The following SNU13 variants were observed in gnomAD, a reference collection of about 807,000 sequenced individuals.
SNU13 encodes small nuclear ribonucleoprotein 13, also known as NHP2-like protein 1.
Under a neutral mutation model 12.4 loss-of-function variants are expected in SNU13, and 2 were observed. The ratio of observed to expected loss-of-function variants is 0.16; its 90% CI spans 0.07 to 0.51. The LOEUF (loss-of-function observed/expected upper bound fraction) is 0.51. Ranked by LOEUF, SNU13 falls within the 20% of genes least tolerant of loss-of-function variation. The pLI is 0.96. For missense variants in SNU13, 66 were observed against 157.8 expected (o/e 0.42, Z 3.12); for synonymous variants, 68 against 66.5 (o/e 1.02, Z -0.11).
At chr22:41,678,201 T>G (rs2068231375) in intron 2 of SNU13, among the ~76,000 whole-genome samples, 1 of 151,950 alleles carries the variant, frequency 6.6e-6, no homozygotes, top group Non-Finnish European at 1.5e-5. Flanking sequence ...GGTCTCGATC[T>G]CCTGACCTCA....
chr22:41,686,998 C>T (rs868865247), intron 1 of SNU13, among the ~76,000 whole-genome samples: 20 of 151,970 alleles, frequency 1.3e-4, no homozygotes, highest in Admixed American at 2.6e-4. Context: ...AACTGTCACA[C>T]GGGCTGGAGT....
At chr22:41,689,656 G>A (rs1011580280), upstream of SNU13, among the ~76,000 whole-genome samples, 3 of 144,464 alleles carry the variant, frequency 2.1e-5, no homozygotes, top group African/African-American at 5.2e-5. Flanking sequence ...CTGGGCAACA[G>A]AGTGAGACTC....
intron 1 of SNU13, among the ~76,000 whole-genome samples, chr22:41,684,718 G>A (rs781225529): frequency 4.6e-5 from 7 of 152,178 alleles, no homozygotes; most frequent in Non-Finnish European, 7.3e-5. Context: ...TGTTTGAAGA[G>A]TGTATTCTGA....
At chr22:41,684,026 C>T (rs1388654861) in intron 1 of SNU13, among the ~76,000 whole-genome samples, 2 of 152,120 alleles carry the variant, frequency 1.3e-5, no homozygotes, top group Non-Finnish European at 2.9e-5. Context: ...CCTCAGCCCC[C>T]ACCAGTAGCT....
chr22:41,686,061 C>T (rs1216585164), intron 1 of SNU13, among the ~76,000 whole-genome samples: 1 of 152,038 alleles, frequency 6.6e-6, no homozygotes, highest in Non-Finnish European at 1.5e-5. Context: ...TCTCTCGCCT[C>T]AGCCTCCCAA....
At chr22:41,685,463 C>G (rs1270498610) in intron 1 of SNU13, among the ~76,000 whole-genome samples, 1 of 151,974 alleles carries the variant, frequency 6.6e-6, no homozygotes, top group Non-Finnish European at 1.5e-5. Flanking sequence ...AAGCAATTCT[C>G]CTGCCTCAGC....
intron 2 of SNU13, 122 bp from the exon 3 acceptor site, chr22:41,675,317 T>C: frequency 7.9e-7 from 1 of 1,263,988 alleles, no homozygotes; most frequent in Non-Finnish European, 1.1e-6. Context: ...TGGGATATGA[T>C]AAAGGATTCA....
At chr22:41,688,928 T>C (rs1301847730), upstream of SNU13, 30 of 1,433,932 alleles carry the variant, frequency 2.1e-5, no homozygotes, top group Non-Finnish European at 2.7e-5. Flanking sequence ...AAGGTGACGC[T>C]ACGCGAGCGA....
chr22:41,685,940 G>A (rs1412026635), intron 1 of SNU13, among the ~76,000 whole-genome samples: 1 of 148,526 alleles, frequency 6.7e-6, no homozygotes, highest in African/African-American at 2.5e-5. Flanking sequence ...TGCACACCCA[G>A]CCTGGGTGAC....
intron 1 of SNU13, among the ~76,000 whole-genome samples, chr22:41,683,088 C>T (rs907345426): frequency 1.3e-5 from 2 of 152,154 alleles, no homozygotes; most frequent in African/African-American, 2.4e-5. Flanking sequence ...CAACCTCCTC[C>T]GGGGTTCAAG....
chr22:41,678,019 A>C (rs1276895469), intron 2 of SNU13, among the ~76,000 whole-genome samples: 1 of 148,334 alleles, frequency 6.7e-6, no homozygotes, highest in Non-Finnish European at 1.5e-5. Context: ...TCTGTCGCCC[A>C]GGCTAGAGTG....
At chr22:41,690,338 T>G, upstream of SNU13, 1 of 708,448 alleles carries the variant, frequency 1.4e-6, no homozygotes, top group Admixed American at 2.0e-5. Context: ...CATCACACAT[T>G]CAGGGAACTT....
At chr22:41,688,941 G>A (rs1419927671), upstream of SNU13, 10 of 1,410,574 alleles carry the variant, frequency 7.1e-6, no homozygotes, top group African/African-American at 1.4e-5. Flanking sequence ...GCGAGCGAGT[G>A]GGCCCCGCCC....
rs527831866 is a variant in SNU13, at chr22:41,674,336, G to A, written c.*597C>T. ...CTGCCCTGCTACCCTCAAGGGCATG[G>A]TTGTGGGTAGGGGGAGAACATCAAC... On this transcript the variant is annotated 3_prime_UTR_variant, in exon 3 of 3. Transcript: ENST00000401959. 7.8e-5 allele frequency: 12 copies of A among 154,116 alleles called. No homozygotes were observed. The highest frequency in any genetic ancestry group is 2.6e-4 in the African/African-American group (11 of 41,568). The allele number at this position is 154,116 out of a possible 1,614,324, so 9.5% of individuals were successfully genotyped here.
chr22:41,674,655 C>G lies in SNU13; in HGVS notation c.*278G>C, dbSNP rs2068195037. ...TCAGCTTTCTCCTGGCTCTTTCTGC[C>G]TTTCAACGGTGCCACCACCCTGCTT... On this transcript the variant is annotated 3_prime_UTR_variant, in exon 3 of 3. Transcript: ENST00000401959. 2 of 392,554 alleles carry G rather than the reference C, an allele frequency of 5.1e-6. No homozygotes were observed. Among genetic ancestry groups the G allele is most frequent in the African/African-American group, 4.1e-5 (2 of 49,120 alleles). The allele number at this position is 392,554 out of a possible 1,614,324, so 24.3% of individuals were successfully genotyped here.
chr22:41,683,730 G>A (rs5758411), intron 1 of SNU13, among the ~76,000 whole-genome samples: 96,481 of 151,876 alleles, frequency 0.64, 33,825 homozygotes, highest in East Asian at 0.92. Context: ...CCTATATAGG[G>A]TTTAACAACT....
At chr22:41,682,017 T>C (rs952803315) in intron 1 of SNU13, among the ~76,000 whole-genome samples, 4 of 151,994 alleles carry the variant, frequency 2.6e-5, no homozygotes, top group Non-Finnish European at 5.9e-5. Flanking sequence ...TACAAACACA[T>C]ATTTATATAC....
intron 1 of SNU13, among the ~76,000 whole-genome samples, chr22:41,682,998 A>G (rs1362545975): frequency 6.6e-6 from 1 of 151,268 alleles, no homozygotes; most frequent in Non-Finnish European, 1.5e-5. Context: ...CATGTTACCT[A>G]CTTAAACATT....
intron 1 of SNU13, among the ~76,000 whole-genome samples, chr22:41,686,730 G>A (rs2068313562): frequency 6.7e-6 from 1 of 148,740 alleles, no homozygotes; most frequent in South Asian, 2.1e-4. Context: ...CGGTTATAGT[G>A]ATTCTCCTGC....
Sources: allele counts gnomAD v4.1 joint callset (sites outside exome capture counted in the v4.1 genomes callset), GRCh38; gene constraint gnomAD v4.1.1; transcripts MANE v1.5; gene names NCBI Gene and HGNC (gene_info 2026-07-23, HGNC 2026-07-21).